The following KCNIP4 variants were observed in gnomAD, a reference collection of about 807,000 sequenced individuals.
The protein encoded by KCNIP4 is potassium voltage-gated channel interacting protein 4.
In KCNIP4, 12 loss-of-function variants were observed where a neutral mutation model predicts 34.0. The observed-to-expected ratio is 0.35, with a 90% CI of 0.23 to 0.57. The LOEUF is 0.57. Ranked by LOEUF, KCNIP4 falls within the 20% of genes least tolerant of loss-of-function variation. The pLI, the probability that KCNIP4 is intolerant of heterozygous loss-of-function variation, is 0.83. For synonymous variants in KCNIP4, 124 were observed against 102.2 expected, an observed-to-expected ratio of 1.21 and a Z score of -1.29; for missense variants, 238 against 311.7, an observed-to-expected ratio of 0.76 and a Z score of 1.78.
Position 21,258,185 on chromosome 4 carries a change from T to C in KCNIP4, c.62-375476A>G, listed in dbSNP as rs374369106. Among the ~76,000 whole-genome samples, 24 of 152,280 alleles carry C rather than the reference T, an allele frequency of 1.6e-4. No homozygotes were observed. In the East Asian group the frequency reaches 1.9e-3, roughly 12 times the overall value. ...TCTAGCCCCACTTCACATACAAATATATGTAGGCAAAATCCCATTAGGTGA... is the reference window on the plus strand; with the variant it reads ...TCTAGCCCCACTTCACATACAAATACATGTAGGCAAAATCCCATTAGGTGA... On this transcript the variant is annotated intron_variant, in intron 1 of 8. Transcript: ENST00000382152.
At chr4:21,748,064 T>C (rs930441190) in intron 1 of KCNIP4, among the ~76,000 whole-genome samples, 2 of 152,152 alleles carry the variant, frequency 1.3e-5, no homozygotes, top group African/African-American at 4.8e-5. Flanking sequence ...TGACTTTGGA[T>C]GTCTAATCTG....
intron 1 of KCNIP4, chr4:21,849,782 A>C (rs1442113677): frequency 6.6e-6 from 1 of 152,148 alleles, no homozygotes; most frequent in Admixed American, 6.6e-5. Context: ...AAAAGAATTC[A>C]GTAATTCCCA....
At chr4:20,740,930 T>G (rs1309616246) in intron 5 of KCNIP4, among the ~76,000 whole-genome samples, 4 of 151,962 alleles carry the variant, frequency 2.6e-5, no homozygotes, top group African/African-American at 9.7e-5. Flanking sequence ...TCCTAGTCTC[T>G]GATAAAACAG....
intron 4 of KCNIP4, among the ~76,000 whole-genome samples, chr4:20,756,225 A>G (rs908192342): frequency 1.3e-5 from 2 of 152,054 alleles, no homozygotes; most frequent in Non-Finnish European, 2.9e-5. Flanking sequence ...TCTGGCCATA[A>G]TAACAGAGAG....
intron 1 of KCNIP4, among the ~76,000 whole-genome samples, chr4:21,371,892 C>A (rs1223950109): frequency 6.8e-6 from 1 of 146,968 alleles, no homozygotes; most frequent in African/African-American, 2.7e-5. Context: ...TCTTAAAGTT[C>A]AACAGTTAAG....
chr4:20,826,953 C>A (rs1348361988), intron 3 of KCNIP4, among the ~76,000 whole-genome samples: 1 of 152,144 alleles, frequency 6.6e-6, no homozygotes, highest in South Asian at 2.1e-4. Flanking sequence ...CAAAGAGGAC[C>A]ACCATCAACT....
chr4:21,558,513 T>TAAATAA (rs1560515597), intron 1 of KCNIP4, among the ~76,000 whole-genome samples: 1 of 151,418 alleles, frequency 6.6e-6, no homozygotes, highest in Admixed American at 6.6e-5. Context: ...AATAAATAAA[T>TAAATAA]ATATAAATAA....
chr4:21,348,618 T>C lies in KCNIP4; in HGVS notation c.62-465909A>G, dbSNP rs1001702892. Among the ~76,000 whole-genome samples the C allele has an allele frequency of 5.9e-5, 9 of 152,286 alleles. No homozygotes were observed. The South Asian group carries it at 1.9e-3, about 32-fold the overall frequency. On this transcript the variant is annotated intron_variant, in intron 1 of 8. Transcript: ENST00000382152. The stretch of plus-strand genomic sequence containing the variant: ...CCAAACCATCTTAATATAGAACTGT[T>C]TAAATAGCAAAAATTTTATGGAGAA...
At chr4:21,081,913 T>C (rs140596339) in intron 1 of KCNIP4, among the ~76,000 whole-genome samples, 6 of 151,940 alleles carry the variant, frequency 3.9e-5, no homozygotes, top group Non-Finnish European at 7.4e-5. Context: ...GGAGGAAATA[T>C]GTTTTCAGCT....
At chr4:20,823,014 C>T (rs185103512) in intron 3 of KCNIP4, among the ~76,000 whole-genome samples, 3 of 152,258 alleles carry the variant, frequency 2.0e-5, no homozygotes, top group African/African-American at 4.8e-5. Context: ...TAGAGAGCAG[C>T]GTTCACCAGA....
At chr4:20,835,629 G>C (rs781543787) in intron 3 of KCNIP4, among the ~76,000 whole-genome samples, 20 of 151,926 alleles carry the variant, frequency 1.3e-4, no homozygotes, top group Non-Finnish European at 2.8e-4. Context: ...ATATGCTGGT[G>C]ACCCTTAAAT....
In KCNIP4 at chr4:21,361,821, T is replaced by C. The variant is rs554235408; in HGVS notation, c.62-479112A>G. 7.9e-5 allele frequency among the ~76,000 whole-genome samples: 12 copies of C among 152,202 alleles called. 1 individual carries two copies. The highest frequency in any genetic ancestry group is 2.9e-4 in the African/African-American group (12 of 41,532). On this transcript the variant is annotated intron_variant, in intron 1 of 8. Coordinates refer to ENST00000382152, the MANE Select transcript of KCNIP4 (RefSeq NM_025221.6). Reference sequence around the variant, plus strand: ...CAGCATACAGCATACATATTCTACGTTGCACTTATCATAACCCTAAAGAGT... The same window carrying C: ...CAGCATACAGCATACATATTCTACGCTGCACTTATCATAACCCTAAAGAGT...
At chr4:20,849,560 G>A (rs1720779679) in intron 3 of KCNIP4, among the ~76,000 whole-genome samples, 1 of 152,164 alleles carries the variant, frequency 6.6e-6, no homozygotes, top group Non-Finnish European at 1.5e-5. Flanking sequence ...CAGATGTGAA[G>A]AGGATGGCAT....
At chr4:21,621,065 G>A (rs1744966404) in intron 1 of KCNIP4, among the ~76,000 whole-genome samples, 1 of 152,148 alleles carries the variant, frequency 6.6e-6, no homozygotes, top group Admixed American at 6.6e-5. Flanking sequence ...CATTAAACCA[G>A]AACACAGACA....
At chr4:20,983,930 T>C (rs753557090) in intron 1 of KCNIP4, 46 of 1,535,956 alleles carry the variant, frequency 3.0e-5, no homozygotes, top group Non-Finnish European at 3.9e-5. Context: ...CAACATCCTC[T>C]GAGCTGGCAG....
chr4:21,248,482 TGACTA>T (rs1187306411), intron 1 of KCNIP4, among the ~76,000 whole-genome samples: 2 of 152,198 alleles, frequency 1.3e-5, no homozygotes, highest in Non-Finnish European at 2.9e-5. Flanking sequence ...CACCGCTGAC[TGACTA>T]GACTTCCCAA....
At chr4:21,143,148 T>C (rs1480476064) in intron 1 of KCNIP4, among the ~76,000 whole-genome samples, 1 of 152,168 alleles carries the variant, frequency 6.6e-6, no homozygotes, top group Non-Finnish European at 1.5e-5. Flanking sequence ...TTTGCAGACG[T>C]GAAGTCCTAA....
At chr4:21,352,507 C>T (rs952837720) in intron 1 of KCNIP4, among the ~76,000 whole-genome samples, 4 of 152,208 alleles carry the variant, frequency 2.6e-5, no homozygotes, top group African/African-American at 4.8e-5. Context: ...CCCATGACCA[C>T]GTAGCCTTGC....
chr4:21,218,982 T>G (rs1757804993), intron 1 of KCNIP4, among the ~76,000 whole-genome samples: 1 of 152,264 alleles, frequency 6.6e-6, no homozygotes, highest in African/African-American at 2.4e-5. Flanking sequence ...CTTCTAGAAA[T>G]ATTATAAATT....
Sources: gnomAD v4.1 joint callset for allele counts (sites outside exome capture counted in the v4.1 genomes callset) on GRCh38, gnomAD v4.1.1 for gene constraint, MANE v1.5 for transcripts, NCBI Gene and HGNC (gene_info 2026-07-23, HGNC 2026-07-21) for gene names.